Variants in KCNJ3 observed in about 807,000 individuals in gnomAD.
KCNJ3 encodes the protein potassium inwardly rectifying channel subfamily J member 3.
In KCNJ3, 4 loss-of-function variants were observed where a neutral mutation model predicts 39.2. The observed-to-expected ratio is 0.10, with a 90% CI of 0.05 to 0.23. KCNJ3 has a LOEUF of 0.23. Ranked by LOEUF, KCNJ3 falls within the 10% of genes least tolerant of loss-of-function variation. The probability of loss-of-function intolerance (pLI) is 1.00; values close to 1 mark genes in which losing one functional copy is unlikely to be tolerated. For missense variants in KCNJ3, 276 were observed against 634.9 expected (o/e 0.43, Z 6.08); for synonymous variants, 230 against 237.4 (o/e 0.97, Z 0.29).
chr2:154,845,276 G>A (rs569919626), intron 2 of KCNJ3, among the ~76,000 whole-genome samples: 12 of 152,014 alleles, frequency 7.9e-5, no homozygotes, highest in South Asian at 4.2e-4. Flanking sequence ...GTGCCACCAC[G>A]CCCAGCTGAT....
chr2:154,784,756 A>G (rs1445810341), intron 2 of KCNJ3, among the ~76,000 whole-genome samples: 4 of 152,146 alleles, frequency 2.6e-5, no homozygotes, highest in Non-Finnish European at 4.4e-5. Context: ...AACACAAGCA[A>G]AGTTGTGCTA....
intron 2 of KCNJ3, among the ~76,000 whole-genome samples, chr2:154,825,145 T>G (rs1293757763): frequency 6.6e-6 from 1 of 152,168 alleles, no homozygotes; most frequent in Non-Finnish European, 1.5e-5. Context: ...TAGGCAGATC[T>G]CTTGGCCTGG....
chr2:154,809,357 G>A lies in KCNJ3; in HGVS notation c.920-45370G>A, dbSNP rs368176937. 1.3e-4 allele frequency among the ~76,000 whole-genome samples: 20 copies of A among 152,068 alleles called. 1 individual carries two copies. The East Asian group carries it at 2.3e-3, about 18-fold the overall frequency. On this transcript the variant is annotated intron_variant, in intron 2 of 2. Transcript: ENST00000295101. ...GAGATTAGAATTTTTATTTCATTAC[G>A]GAGAAAACTGAGAAGAGCAGTGAAT...
intron 1 of KCNJ3, among the ~76,000 whole-genome samples, chr2:154,702,303 C>A (rs994795619): frequency 2.0e-5 from 3 of 151,860 alleles, no homozygotes; most frequent in Non-Finnish European, 4.4e-5. Context: ...TGCATGTATT[C>A]TTTTCCTACT....
At chr2:154,728,717 G>A (rs1685401176) in intron 2 of KCNJ3, among the ~76,000 whole-genome samples, 1 of 152,110 alleles carries the variant, frequency 6.6e-6, no homozygotes, top group Admixed American at 6.6e-5. Context: ...GGTGAATTTT[G>A]GTCTAGATAG....
At chr2:154,727,360 C>T (rs1164268149) in intron 2 of KCNJ3, among the ~76,000 whole-genome samples, 4 of 151,092 alleles carry the variant, frequency 2.6e-5, no homozygotes, top group Non-Finnish European at 4.4e-5. Flanking sequence ...CTGAGATGGG[C>T]GGATCACCTG....
At chr2:154,769,129 C>G (rs1485742880) in intron 2 of KCNJ3, among the ~76,000 whole-genome samples, 3 of 152,164 alleles carry the variant, frequency 2.0e-5, no homozygotes. Context: ...ATGTCATCTG[C>G]AAACAGGGAC....
chr2:154,771,425 G>C (rs148748449), intron 2 of KCNJ3, among the ~76,000 whole-genome samples: 228 of 152,294 alleles, frequency 1.5e-3, no homozygotes, highest in African/African-American at 5.1e-3. Context: ...AGTAGTAGAT[G>C]AAAATACTGG....
chr2:154,785,269 T>G (rs1185732071), intron 2 of KCNJ3, among the ~76,000 whole-genome samples: 1 of 152,210 alleles, frequency 6.6e-6, no homozygotes, highest in Non-Finnish European at 1.5e-5. Flanking sequence ...TCCTCACAGT[T>G]TAGGAGGATC....
intron 2 of KCNJ3, among the ~76,000 whole-genome samples, chr2:154,763,965 C>G (rs1211714409): frequency 3.9e-5 from 6 of 152,156 alleles, no homozygotes; most frequent in Admixed American, 2.0e-4. Context: ...TTTAAAGAGT[C>G]TATGCTGCAT....
At chr2:154,787,199 C>T (rs909427729) in intron 2 of KCNJ3, among the ~76,000 whole-genome samples, 5 of 152,182 alleles carry the variant, frequency 3.3e-5, no homozygotes, top group Admixed American at 3.3e-4. Flanking sequence ...TCATCCTCCT[C>T]GCATTTTCAA....
chr2:154,824,869 C>T (rs934382570), intron 2 of KCNJ3, among the ~76,000 whole-genome samples: 2 of 152,166 alleles, frequency 1.3e-5, no homozygotes, highest in African/African-American at 2.4e-5. Flanking sequence ...GCCAAAGCAA[C>T]TACTGTGCAC....
chr2:154,782,836 A>G (rs1469660356), intron 2 of KCNJ3, among the ~76,000 whole-genome samples: 1 of 152,048 alleles, frequency 6.6e-6, no homozygotes, highest in Non-Finnish European at 1.5e-5. Context: ...TTAAATTAAA[A>G]CTTAATATTT....
intron 2 of KCNJ3, among the ~76,000 whole-genome samples, chr2:154,729,065 T>C (rs983283177): frequency 1.3e-5 from 2 of 152,160 alleles, no homozygotes; most frequent in African/African-American, 2.4e-5. Flanking sequence ...ACATCTGTAA[T>C]ATATACCAAT....
intron 2 of KCNJ3, among the ~76,000 whole-genome samples, chr2:154,714,536 C>A (rs981767673): frequency 4.6e-5 from 7 of 152,008 alleles, no homozygotes; most frequent in East Asian, 1.9e-4. Flanking sequence ...ATGAAACTTA[C>A]CCCCAGCTAT....
At chr2:154,733,957 G>T (rs1685483856) in intron 2 of KCNJ3, among the ~76,000 whole-genome samples, 1 of 152,092 alleles carries the variant, frequency 6.6e-6, no homozygotes, top group Admixed American at 6.5e-5. Flanking sequence ...GAGCATCCAA[G>T]ATTTATGAGT....
At chr2:154,801,507 C>T (rs199668211) in intron 2 of KCNJ3, among the ~76,000 whole-genome samples, 7 of 96,274 alleles carry the variant, frequency 7.3e-5, no homozygotes, top group Admixed American at 3.2e-4. Flanking sequence ...TTTCTTTTTT[C>T]TTTTCTTTTC....
chr2:154,795,188 T>C (rs1686701506), intron 2 of KCNJ3, among the ~76,000 whole-genome samples: 1 of 152,026 alleles, frequency 6.6e-6, no homozygotes, highest in Admixed American at 6.6e-5. Flanking sequence ...TAATTTCTTT[T>C]TATTTTCTAT....
chr2:154,764,573 A>G (rs1686099875), intron 2 of KCNJ3, among the ~76,000 whole-genome samples: 1 of 152,188 alleles, frequency 6.6e-6, no homozygotes, highest in African/African-American at 2.4e-5. Context: ...TTGAGTGAAT[A>G]TTGAGAATTA....
Sources: gnomAD v4.1 joint callset for allele counts (sites outside exome capture counted in the v4.1 genomes callset) on GRCh38, gnomAD v4.1.1 for gene constraint, MANE v1.5 for transcripts, NCBI Gene and HGNC (gene_info 2026-07-23, HGNC 2026-07-21) for gene names.